Variants in LRBA observed in about 807,000 individuals in gnomAD.
LRBA encodes the protein lipopolysaccharide-responsive and beige-like anchor protein.
LRBA carries 176 observed loss-of-function variants against 330.0 expected under a neutral mutation model. That is an observed-to-expected ratio of 0.53 (90% CI 0.47 to 0.60). The LOEUF is 0.60. Among genes scored for constraint, LRBA ranks in the 20% least tolerant of loss-of-function variants. The pLI, the probability that LRBA is intolerant of heterozygous loss-of-function variation, is 0.00. For synonymous variants in LRBA, 1,230 were observed against 1,193.0 expected (o/e 1.03, Z -0.64); for missense variants, 3,259 against 3,444.8 (o/e 0.95, Z 1.35).
At chr4:150,489,076 TATA>T (rs1229511616) in intron 41 of LRBA, among the ~76,000 whole-genome samples, 102 of 55,468 alleles carry the variant, frequency 1.8e-3, no homozygotes, top group African/African-American at 5.4e-3. Context: ...ATATATTATA[TATA>T]ATATTATATA....
chr4:150,950,385 A>G (rs999765425), intron 2 of LRBA, among the ~76,000 whole-genome samples: 3 of 152,126 alleles, frequency 2.0e-5, no homozygotes, highest in African/African-American at 7.2e-5. Context: ...CATCACATAC[A>G]TTACTTAATA....
chr4:150,555,852 G>C (rs1767255743), intron 40 of LRBA, among the ~76,000 whole-genome samples: 1 of 151,860 alleles, frequency 6.6e-6, no homozygotes, highest in African/African-American at 2.4e-5. Flanking sequence ...ACCCAGGCTG[G>C]TGTGCAGTGG....
chr4:150,807,517 T>C (rs550253213), intron 32 of LRBA, among the ~76,000 whole-genome samples: 50 of 152,258 alleles, frequency 3.3e-4, no homozygotes, highest in African/African-American at 1.2e-3. Flanking sequence ...ACTCAAAGCA[T>C]TCGAAATTAA....
chr4:150,444,114 T>G (rs906214917), intron 44 of LRBA, among the ~76,000 whole-genome samples: 1 of 151,972 alleles, frequency 6.6e-6, no homozygotes, highest in Admixed American at 6.6e-5. Context: ...AAAAAGCGTA[T>G]TTTATCTTGG....
chr4:150,574,087 T>A (rs1770226579), intron 40 of LRBA, among the ~76,000 whole-genome samples: 2 of 152,120 alleles, frequency 1.3e-5, no homozygotes, highest in Admixed American at 1.3e-4. Context: ...AAAAACATAT[T>A]GTTTATATAA....
intron 36 of LRBA, among the ~76,000 whole-genome samples, chr4:150,734,097 T>C (rs962492358): frequency 1.3e-5 from 2 of 152,158 alleles, no homozygotes; most frequent in African/African-American, 2.4e-5. Context: ...TAAAATGATA[T>C]TTAATAGTCT....
chr4:150,809,683 G>A (rs191240602), intron 31 of LRBA, among the ~76,000 whole-genome samples: 3 of 152,134 alleles, frequency 2.0e-5, no homozygotes, highest in East Asian at 1.9e-4. Context: ...AGCAATGCCC[G>A]TCTCTACTAA....
In LRBA at chr4:150,264,525, G is replaced by T. The variant is rs963789913; in HGVS notation, c.*1197C>A. 6.6e-6 allele frequency: 1 copy of T among 152,178 alleles called. No homozygotes were observed. Among genetic ancestry groups the T allele is most frequent in the Admixed American group, 6.5e-5 (1 of 15,268 alleles). The allele number at this position is 152,178 out of a possible 1,614,324, so 9.4% of individuals were successfully genotyped here. A position where few individuals can be genotyped will look rare whatever the true frequency, so the allele number is the denominator to read the frequency against. Reference sequence around the variant, plus strand: ...AGGCATTTCCAACAATTCAATTACAGATGCCATTTTATTCAGCTTTTTCTG... The same window carrying T: ...AGGCATTTCCAACAATTCAATTACATATGCCATTTTATTCAGCTTTTTCTG... On this transcript the variant is annotated 3_prime_UTR_variant, in exon 57 of 57. Coordinates refer to ENST00000651943, the MANE Select transcript of LRBA (RefSeq NM_001364905.1).
Position 150,506,257 on chromosome 4 carries a change from T to A in LRBA, c.6331-15222A>T, listed in dbSNP as rs556500422. Among the ~76,000 whole-genome samples the A allele has an allele frequency of 4.3e-3, 649 of 152,278 alleles. 5 individuals are homozygous for A. Among genetic ancestry groups the A allele is most frequent in the Middle Eastern group, 0.02 (6 of 294 alleles). ...CCAGCATCATCCTGATACCAAAGCC[T>A]GGCAGAGACACAACCAAAAAAGAGA... On this transcript the variant is annotated intron_variant, in intron 40 of 56. Transcript: ENST00000651943.
At chr4:150,628,780 G>A (rs541739811) in intron 37 of LRBA, among the ~76,000 whole-genome samples, 1 of 152,210 alleles carries the variant, frequency 6.6e-6, no homozygotes, top group Admixed American at 6.5e-5. Flanking sequence ...CTTGATTTCT[G>A]TATTTCTTTG....
At chr4:150,510,803 C>T (rs1478453624) in intron 40 of LRBA, among the ~76,000 whole-genome samples, 1 of 151,970 alleles carries the variant, frequency 6.6e-6, no homozygotes, top group Non-Finnish European at 1.5e-5. Flanking sequence ...AATAGCTCCA[C>T]CATATGCCCT....
chr4:150,389,676 C>CAAAAAAAAAAAA (rs34170088), intron 47 of LRBA, among the ~76,000 whole-genome samples: 7 of 80,078 alleles, frequency 8.7e-5, no homozygotes, highest in East Asian at 4.0e-4. Flanking sequence ...GACTCTGTCT[C>CAAAAAAAAAAAA]AAAAAAAAAA....
chr4:150,971,503 T>C (rs1287061670), intron 2 of LRBA, among the ~76,000 whole-genome samples: 3 of 152,130 alleles, frequency 2.0e-5, no homozygotes, highest in Non-Finnish European at 4.4e-5. Context: ...CAACAGAAAT[T>C]TGATAAAAGT....
At chr4:150,651,313 A>G (rs1779688021) in intron 37 of LRBA, among the ~76,000 whole-genome samples, 2 of 152,154 alleles carry the variant, frequency 1.3e-5, no homozygotes, top group Admixed American at 1.3e-4. Flanking sequence ...ATAACAACTA[A>G]GTTCTATGTG....
At chr4:150,350,370 G>A (rs1240815309) in intron 47 of LRBA, among the ~76,000 whole-genome samples, 1 of 152,184 alleles carries the variant, frequency 6.6e-6, no homozygotes, top group Non-Finnish European at 1.5e-5. Context: ...AGGAGTTTGA[G>A]ACCAGCTTGG....
At chr4:150,828,780 T>C (rs1746669428) in intron 29 of LRBA, among the ~76,000 whole-genome samples, 159 bp from the exon 30 acceptor site, 1 of 152,198 alleles carries the variant, frequency 6.6e-6, no homozygotes, top group Non-Finnish European at 1.5e-5. Flanking sequence ...CAGAATGTAC[T>C]GAGTGGGTGC....
chr4:150,758,902 T>C (rs1734695301), intron 35 of LRBA, among the ~76,000 whole-genome samples: 1 of 151,922 alleles, frequency 6.6e-6, no homozygotes, highest in Non-Finnish European at 1.5e-5. Flanking sequence ...CTTAAATTCC[T>C]ACATGCATCA....
chr4:150,893,250 G>T, intron 16 of LRBA, 101 bp from the exon 17 acceptor site: 1 of 641,628 alleles, frequency 1.6e-6, no homozygotes, highest in Non-Finnish European at 2.8e-6. Flanking sequence ...AGAAATATAA[G>T]TAGACATATG....
At chr4:150,344,352 CTG>C (rs1735992366) in intron 48 of LRBA, among the ~76,000 whole-genome samples, 1 of 152,132 alleles carries the variant, frequency 6.6e-6, no homozygotes, top group African/African-American at 2.4e-5. Flanking sequence ...TCTTTATTTA[CTG>C]TGTTTACTTC....
Sources: gnomAD v4.1 joint callset for allele counts (sites outside exome capture counted in the v4.1 genomes callset) on GRCh38, gnomAD v4.1.1 for gene constraint, MANE v1.5 for transcripts, NCBI Gene and HGNC (gene_info 2026-07-23, HGNC 2026-07-21) for gene names.